Variants in OSBPL6 observed in about 807,000 individuals in gnomAD.
OSBPL6 encodes oxysterol-binding protein-related protein 6.
OSBPL6 carries 49 observed loss-of-function variants against 125.8 expected under a neutral mutation model. That is an observed-to-expected ratio of 0.39 (90% confidence interval 0.31 to 0.49). The LOEUF is 0.49. Ranked by LOEUF, OSBPL6 falls within the 20% of genes least tolerant of loss-of-function variation. OSBPL6 has a pLI of 0.88. For missense variants in OSBPL6, 986 were observed against 1,135.4 expected, an observed-to-expected ratio of 0.87 and a Z score of 1.89; for synonymous variants, 394 against 391.8, an observed-to-expected ratio of 1.01 and a Z score of -0.07.
intron 3 of OSBPL6, among the ~76,000 whole-genome samples, chr2:178,322,943 A>C (rs1259439219): frequency 1.3e-5 from 2 of 151,986 alleles, no homozygotes; most frequent in Non-Finnish European, 2.9e-5. Context: ...AAACCTTTAA[A>C]AAAAATCTTT....
chr2:178,243,213 G>A (rs1491003381), intron 1 of OSBPL6, among the ~76,000 whole-genome samples: 2 of 152,112 alleles, frequency 1.3e-5, no homozygotes, highest in Non-Finnish European at 2.9e-5. Flanking sequence ...CATGGGAGTG[G>A]AAGATATCCA....
rs142029408 is a variant in OSBPL6 at position 178,218,258 on chromosome 2, A to G, written c.-351+23584A>G. Among the ~76,000 whole-genome samples, 516 of 152,302 alleles carry G rather than the reference A, an allele frequency of 3.4e-3. 2 individuals carry two copies. The highest frequency in any genetic ancestry group is 0.011 in the African/African-American group (472 of 41,578). ...TTTATTTTACAAGTAGGAAATGCCT[A>G]CGTGGTCCATCTGTAGACAAGTCAG... On this transcript the variant is annotated intron_variant, in intron 1 of 24. Transcript: ENST00000190611.
chr2:178,391,075 G>A lies in OSBPL6; in HGVS notation c.2304G>A (p.Val768=). ...VCICKLTFVK[V]NYWNSNMNEV... ...CAATTGGGGTTTGGTTTTTCCAGGT[G>A]AATTATTGGAATTCTAACATGAATG... The change falls in exon 22 of 25, where the codon GTG becomes GTA. Residue 768 remains valine, a splice_region_variant and synonymous_variant. Transcript: ENST00000190611. 2 of 1,613,194 alleles carry A rather than the reference G, an allele frequency of 1.2e-6. No individual in the cohort carries two copies. Among genetic ancestry groups the A allele is most frequent in the Non-Finnish European group, 1.7e-6 (2 of 1,179,662 alleles).
chr2:178,220,184 G>C (rs2090276042), intron 1 of OSBPL6, among the ~76,000 whole-genome samples: 1 of 152,192 alleles, frequency 6.6e-6, no homozygotes, highest in Admixed American at 6.5e-5. Flanking sequence ...TGAGGCTTTA[G>C]ACATCGAGTT....
At chr2:178,289,807 T>G (rs1260414429) in intron 2 of OSBPL6, among the ~76,000 whole-genome samples, 2 of 151,544 alleles carry the variant, frequency 1.3e-5, no homozygotes, top group Non-Finnish European at 2.9e-5. Flanking sequence ...TTTGGCTGAT[T>G]GTTGTTACTT....
At chr2:178,346,494 C>T (rs893312058) in intron 11 of OSBPL6, among the ~76,000 whole-genome samples, 4 of 152,216 alleles carry the variant, frequency 2.6e-5, no homozygotes, top group African/African-American at 9.6e-5. Context: ...CCTAATGTCC[C>T]CATTCCAAAC....
chr2:178,260,581 C>T (rs2092026820), intron 1 of OSBPL6, among the ~76,000 whole-genome samples: 1 of 152,042 alleles, frequency 6.6e-6, no homozygotes, highest in Admixed American at 6.6e-5. Flanking sequence ...AATATGGGCA[C>T]AAGGGGTGGT....
At chr2:178,325,500 G>T (rs1249694738) in intron 4 of OSBPL6, among the ~76,000 whole-genome samples, 1 of 152,224 alleles carries the variant, frequency 6.6e-6, no homozygotes, top group Non-Finnish European at 1.5e-5. Flanking sequence ...ACTTCCATTT[G>T]AATAGCGAGT....
intron 1 of OSBPL6, among the ~76,000 whole-genome samples, chr2:178,220,043 T>C (rs2090269941): frequency 6.6e-6 from 1 of 152,158 alleles, no homozygotes; most frequent in Non-Finnish European, 1.5e-5. Flanking sequence ...GAGGATAATG[T>C]CATGCTGTAG....
chr2:178,285,344 C>T (rs1684598671), intron 2 of OSBPL6, among the ~76,000 whole-genome samples: 1 of 151,702 alleles, frequency 6.6e-6, no homozygotes, highest in Non-Finnish European at 1.5e-5. Context: ...TATTTGGTAA[C>T]CATTTTCTGT....
At chr2:178,268,982 T>C (rs1418830338) in intron 1 of OSBPL6, among the ~76,000 whole-genome samples, 9 of 152,192 alleles carry the variant, frequency 5.9e-5, no homozygotes, top group Admixed American at 5.9e-4. Flanking sequence ...GCACTGAGCT[T>C]CAATCTGCAA....
Position 178,331,573 on chromosome 2 carries a change from G to A in OSBPL6, c.340G>A (p.Gly114Arg). The A allele has an allele frequency of 1.9e-6, 3 of 1,614,110 alleles. No individual in the cohort carries two copies. Among genetic ancestry groups the A allele is most frequent in the Non-Finnish European group, 2.5e-6 (3 of 1,179,978 alleles). ...WHKRFFVLDNGMLKYSKAPLD... is the reference protein window; with the variant it reads ...WHKRFFVLDNRMLKYSKAPLD... Reference sequence around the variant, plus strand: ...GCAGCGTTTTTTTGTCCTGGATAATGGAATGTTAAAGTATTCAAAGGCACC... The same window carrying A: ...GCAGCGTTTTTTTGTCCTGGATAATAGAATGTTAAAGTATTCAAAGGCACC... The change falls in exon 6 of 25, where the codon GGA becomes AGA. Residue 114 changes from glycine to arginine, a missense_variant. Around this residue, in one of 3 missense-constraint regions of OSBPL6, gnomAD observed 13 missense variants for 31.7 expected, o/e 0.41. Transcript: ENST00000190611.
At chr2:178,344,188 C>G in intron 11 of OSBPL6, 12 of 1,060,092 alleles carry the variant, frequency 1.1e-5, no homozygotes, top group African/African-American at 1.6e-5. Context: ...CAGTTAAAAA[C>G]TCTCCCTCTC....
chr2:178,205,574 C>T (rs2089482435), intron 1 of OSBPL6, among the ~76,000 whole-genome samples: 1 of 152,106 alleles, frequency 6.6e-6, no homozygotes, highest in Non-Finnish European at 1.5e-5. Flanking sequence ...AAAGAGTGCT[C>T]ATGATAAAGG....
At chr2:178,227,785 T>C (rs573861431) in intron 1 of OSBPL6, among the ~76,000 whole-genome samples, 1 of 152,294 alleles carries the variant, frequency 6.6e-6, no homozygotes, top group East Asian at 1.9e-4. Flanking sequence ...TGATAGTATA[T>C]TAAAAAGGAA....
chr2:178,299,460 A>G lies in OSBPL6; in HGVS notation c.-155-6570A>G, dbSNP rs1016690242. The stretch of plus-strand genomic sequence containing the variant: ...TAAAGTATCTTTCATTATTTTTTAG[A>G]ATATTCTTTGTTATTCTCATATGTT... On this transcript the variant is annotated intron_variant, in intron 2 of 24. Coordinates refer to ENST00000190611, the MANE Select transcript of OSBPL6 (RefSeq NM_032523.4). Among the ~76,000 whole-genome samples, 14 of 152,182 alleles carry G rather than the reference A, an allele frequency of 9.2e-5. No individual in the cohort carries two copies. The South Asian group carries it at 2.3e-3, about 25-fold the overall frequency.
At chr2:178,375,941 T>G (rs1039300797) in intron 15 of OSBPL6, among the ~76,000 whole-genome samples, 4 of 152,156 alleles carry the variant, frequency 2.6e-5, no homozygotes, top group Admixed American at 2.6e-4. Context: ...CCAAGCAAGA[T>G]GGTGGTGCCA....
chr2:178,309,068 G>A (rs1302185218), intron 3 of OSBPL6, among the ~76,000 whole-genome samples: 1 of 152,010 alleles, frequency 6.6e-6, no homozygotes, highest in African/African-American at 2.4e-5. Flanking sequence ...GTCCTGAACT[G>A]CCCTGTCTTT....
At chr2:178,380,392 G>A (rs754320014) in intron 15 of OSBPL6, among the ~76,000 whole-genome samples, 13 of 145,462 alleles carry the variant, frequency 8.9e-5, no homozygotes, top group Non-Finnish European at 1.9e-4. Context: ...TATGAGCTCA[G>A]GTTGCAGTGA....
Sources: allele counts gnomAD v4.1 joint callset (sites outside exome capture counted in the v4.1 genomes callset), GRCh38; gene constraint gnomAD v4.1.1; regional missense constraint gnomAD v4.1.1; transcripts MANE v1.5; gene names NCBI Gene and HGNC (gene_info 2026-07-23, HGNC 2026-07-21).